PDE1C: variants seen among roughly 807,000 people sequenced by gnomAD.
PDE1C encodes the protein dual specificity calcium/calmodulin-dependent 3',5'-cyclic nucleotide phosphodiesterase 1C.
PDE1C carries 62 observed loss-of-function variants against 93.1 expected under a neutral mutation model. The observed-to-expected ratio is 0.67, with a 90% CI of 0.54 to 0.82. The LOEUF is 0.82. Among genes scored for constraint, PDE1C ranks in the 40% least tolerant of loss-of-function variants. PDE1C has a pLI of 0.00. For synonymous variants in PDE1C, 325 were observed against 310.1 expected, an observed-to-expected ratio of 1.05 and a Z score of -0.50; for missense variants, 742 against 884.6, an observed-to-expected ratio of 0.84 and a Z score of 2.04.
intron 1 of PDE1C, among the ~76,000 whole-genome samples, chr7:32,371,513 C>A (rs1585129745): frequency 6.6e-6 from 1 of 152,266 alleles, no homozygotes; most frequent in East Asian, 1.9e-4. Flanking sequence ...CAATACATAC[C>A]TTACTCAGCG....
At chr7:32,260,219 G>A (rs971171000) in intron 1 of PDE1C, among the ~76,000 whole-genome samples, 2 of 152,218 alleles carry the variant, frequency 1.3e-5, no homozygotes, top group African/African-American at 4.8e-5. Context: ...GAAGTGAAGA[G>A]CACTATCTGA....
chr7:31,680,100 C>T, the PDE1C span, among the ~76,000 whole-genome samples: 1 of 152,130 alleles, frequency 6.6e-6, no homozygotes, highest in Non-Finnish European at 1.5e-5. Context: ...ATCTTTAGTA[C>T]ACTTACTTAA....
At chr7:32,341,427 G>A (rs1174773913) in intron 1 of PDE1C, among the ~76,000 whole-genome samples, 8 of 151,386 alleles carry the variant, frequency 5.3e-5, no homozygotes, top group Admixed American at 1.3e-4. Flanking sequence ...CGCCCACCTC[G>A]GCCTCCCAAA....
At chr7:31,839,353 C>T (rs1476870258) in intron 9 of PDE1C, among the ~76,000 whole-genome samples, 1 of 141,126 alleles carries the variant, frequency 7.1e-6, no homozygotes, top group Non-Finnish European at 1.5e-5. Flanking sequence ...TACACACATA[C>T]ATACGCATTA....
intron 11 of PDE1C, among the ~76,000 whole-genome samples, chr7:31,832,437 T>C (rs1790537136): frequency 6.6e-6 from 1 of 152,200 alleles, no homozygotes. Flanking sequence ...CTTACTCTCT[T>C]AGTAACCATG....
intron 7 of PDE1C, 109 bp downstream of exon 7, chr7:31,864,833 A>C: frequency 9.6e-7 from 1 of 1,042,444 alleles, no homozygotes; most frequent in East Asian, 2.4e-5. Flanking sequence ...GGAAGTCCAT[A>C]AAACAATGCA....
At chr7:31,999,869 G>A (rs1016065504) in intron 2 of PDE1C, among the ~76,000 whole-genome samples, 1 of 152,184 alleles carries the variant, frequency 6.6e-6, no homozygotes. Flanking sequence ...CATGGCTGTT[G>A]CTGGGGGAGA....
At chr7:31,784,792 T>C (rs974136654) in intron 16 of PDE1C, 1 of 152,104 alleles carries the variant, frequency 6.6e-6, no homozygotes, top group Admixed American at 6.5e-5. Flanking sequence ...TATAAAAATA[T>C]CATCAAAGCA....
chr7:32,208,720 C>A (rs547800140), intron 2 of PDE1C, among the ~76,000 whole-genome samples: 2 of 151,986 alleles, frequency 1.3e-5, no homozygotes, highest in South Asian at 4.1e-4. Context: ...TTTCCCCCCC[C>A]TTCTTTGGAA....
At chr7:32,384,460 G>A (rs1784589842) in intron 1 of PDE1C, among the ~76,000 whole-genome samples, 1 of 152,218 alleles carries the variant, frequency 6.6e-6, no homozygotes, top group Non-Finnish European at 1.5e-5. Context: ...AATCAGATAT[G>A]TACGGTGACA....
intron 1 of PDE1C, among the ~76,000 whole-genome samples, chr7:32,336,899 AAAC>A (rs1245505658): frequency 1.3e-5 from 2 of 152,182 alleles, no homozygotes. Context: ...AATATTGAAC[AAAC>A]AACTACAGTG....
chr7:32,143,368 C>T (rs535613782), intron 3 of PDE1C, among the ~76,000 whole-genome samples: 5 of 150,840 alleles, frequency 3.3e-5, no homozygotes, highest in South Asian at 2.1e-4. Context: ...CTAGTGGGAA[C>T]GGCCTGACCT....
At chr7:32,318,460 T>C (rs955297556) in intron 1 of PDE1C, among the ~76,000 whole-genome samples, 2 of 152,118 alleles carry the variant, frequency 1.3e-5, no homozygotes, top group Admixed American at 1.3e-4. Flanking sequence ...TCCGCCGCGG[T>C]CTACACAGCT....
At chr7:32,229,126 G>A (rs1279825405) in intron 1 of PDE1C, among the ~76,000 whole-genome samples, 1 of 152,194 alleles carries the variant, frequency 6.6e-6, no homozygotes, top group Admixed American at 6.5e-5. Flanking sequence ...CCTAGAAAAA[G>A]AGAAAGGAAA....
chr7:31,628,470 T>TC, the PDE1C span, among the ~76,000 whole-genome samples: 1 of 151,602 alleles, frequency 6.6e-6, no homozygotes, highest in African/African-American at 2.4e-5. Context: ...TCTTTTTTTT[T>TC]CTTTTTTTGA....
At chr7:32,003,884 C>CA (rs925965859) in intron 2 of PDE1C, among the ~76,000 whole-genome samples, 5 of 150,052 alleles carry the variant, frequency 3.3e-5, no homozygotes, top group African/African-American at 1.2e-4. Flanking sequence ...TGAGAGTAGA[C>CA]AAAAAACAAA....
intron 2 of PDE1C, among the ~76,000 whole-genome samples, chr7:32,023,996 C>A (rs1319836726): frequency 1.3e-5 from 2 of 152,084 alleles, no homozygotes; most frequent in Non-Finnish European, 2.9e-5. Context: ...CCTGAGGGAG[C>A]TGGAAGGTGA....
chr7:31,877,211 C>G (rs865909748), intron 5 of PDE1C, among the ~76,000 whole-genome samples: 1 of 152,156 alleles, frequency 6.6e-6, no homozygotes, highest in African/African-American at 2.4e-5. Context: ...AATCCAGAAG[C>G]CAAATCAAGT....
chr7:32,066,964 T>C (rs1795477252), intron 1 of PDE1C, among the ~76,000 whole-genome samples: 1 of 152,158 alleles, frequency 6.6e-6, no homozygotes, highest in Non-Finnish European at 1.5e-5. Flanking sequence ...AATGGGAGCA[T>C]GTGCGTAAGC....
Sources: gnomAD v4.1 joint callset for allele counts (sites outside exome capture counted in the v4.1 genomes callset) on GRCh38, gnomAD v4.1.1 for gene constraint, MANE v1.5 for transcripts, NCBI Gene and HGNC (gene_info 2026-07-23, HGNC 2026-07-21) for gene names.